Variants in EIPR1 observed in about 807,000 individuals in gnomAD.
EIPR1 encodes the protein EARP and GARP complex-interacting protein 1.
A neutral mutation model predicts 48.1 loss-of-function variants in EIPR1; 25 were observed. The ratio of observed to expected loss-of-function variants is 0.52; its 90% CI spans 0.38 to 0.73. EIPR1 has a LOEUF of 0.73. EIPR1 is among the 30% of genes least tolerant of loss of function. The probability of loss-of-function intolerance (pLI) is 0.00; values close to 1 mark genes in which losing one functional copy is unlikely to be tolerated. For synonymous variants in EIPR1, 204 were observed against 201.9 expected (o/e 1.01, Z -0.09); for missense variants, 415 against 506.2 (o/e 0.82, Z 1.73).
intron 2 of EIPR1, among the ~76,000 whole-genome samples, chr2:3,342,795 A>G (rs1348463423): frequency 6.6e-6 from 1 of 152,168 alleles, no homozygotes; most frequent in East Asian, 1.9e-4. Context: ...ATGGTCTTTA[A>G]CCTTCATTGC....
chr2:3,206,692 T>C (rs1226534633), intron 5 of EIPR1, among the ~76,000 whole-genome samples: 3 of 152,230 alleles, frequency 2.0e-5, no homozygotes, highest in Non-Finnish European at 2.9e-5. Context: ...AAAATGCAGA[T>C]GTGACCTCAG....
chr2:3,206,984 T>G (rs1048605973), intron 5 of EIPR1, among the ~76,000 whole-genome samples: 2 of 152,180 alleles, frequency 1.3e-5, no homozygotes, highest in African/African-American at 4.8e-5. Context: ...AGTCATTTAA[T>G]TATGAAGGAG....
intron 3 of EIPR1, chr2:3,274,407 A>C (rs1667787294): frequency 6.4e-7 from 1 of 1,550,614 alleles, no homozygotes; most frequent in African/African-American, 1.4e-5. Flanking sequence ...CAGAGACAGC[A>C]CACAACAAAA....
intron 3 of EIPR1, among the ~76,000 whole-genome samples, chr2:3,310,170 G>A (rs530503642): frequency 2.4e-4 from 36 of 152,228 alleles, no homozygotes; most frequent in African/African-American, 7.0e-4. Flanking sequence ...TTGGTTCAGC[G>A]CCAAGGTCAG....
At chr2:3,353,277 G>A (rs1224853601) in intron 2 of EIPR1, 2 of 470,942 alleles carry the variant, frequency 4.2e-6, no homozygotes, top group African/African-American at 4.0e-5. Context: ...GATAACCCTT[G>A]GCTCAATTTT....
At chr2:3,328,999 T>C (rs1669795115) in intron 3 of EIPR1, among the ~76,000 whole-genome samples, 1 of 92,014 alleles carries the variant, frequency 1.1e-5, no homozygotes, top group Admixed American at 9.8e-5. Flanking sequence ...CACCACGTTC[T>C]AATGATCTCA....
At chr2:3,346,981 T>C (rs1188617106) in intron 2 of EIPR1, among the ~76,000 whole-genome samples, 3 of 152,204 alleles carry the variant, frequency 2.0e-5, no homozygotes, top group Non-Finnish European at 2.9e-5. Context: ...AGATGCCTCA[T>C]GGCTGGGTGC....
chr2:3,315,131 C>A (rs547453219), intron 3 of EIPR1, among the ~76,000 whole-genome samples: 21 of 135,978 alleles, frequency 1.5e-4, no homozygotes, highest in African/African-American at 6.6e-4. Flanking sequence ...ACACCACCAT[C>A]ATCATCACTA....
At chr2:3,317,213 C>T (rs920075283) in intron 3 of EIPR1, among the ~76,000 whole-genome samples, 2 of 151,296 alleles carry the variant, frequency 1.3e-5, no homozygotes, top group East Asian at 3.9e-4. Context: ...GCACAGAGAC[C>T]CAGGAGCACA....
At chr2:3,202,619 C>G (rs1332627343) in intron 5 of EIPR1, among the ~76,000 whole-genome samples, 1 of 152,180 alleles carries the variant, frequency 6.6e-6, no homozygotes, top group Non-Finnish European at 1.5e-5. Context: ...TGCGAAACAC[C>G]ACAGGGCCAT....
chr2:3,369,692 C>T (rs1393896037), intron 1 of EIPR1, among the ~76,000 whole-genome samples: 3 of 152,324 alleles, frequency 2.0e-5, no homozygotes, highest in Admixed American at 1.3e-4. Flanking sequence ...GAGGGGCGCC[C>T]GCCATTGCCC....
intron 3 of EIPR1, among the ~76,000 whole-genome samples, chr2:3,266,167 T>C (rs1667479482): frequency 6.6e-6 from 1 of 152,198 alleles, no homozygotes; most frequent in Non-Finnish European, 1.5e-5. Flanking sequence ...GCATGAATAG[T>C]AGCTCCAGTC....
chr2:3,333,749 C>CAA (rs769152280), intron 3 of EIPR1, among the ~76,000 whole-genome samples: 39 of 72,396 alleles, frequency 5.4e-4, no homozygotes, highest in Admixed American at 2.1e-3. Flanking sequence ...ACCCTACCTC[C>CAA]AAAAAAAAAA....
chr2:3,286,129 C>T lies in EIPR1; in HGVS notation c.260-28674G>A, dbSNP rs1378422376. On this transcript the variant is annotated intron_variant, in intron 3 of 8. Coordinates refer to ENST00000382125, the MANE Select transcript of EIPR1 (RefSeq NM_003310.5). This position sits in a 1 kb window ranked among gnomAD's most constrained non-coding sequence, Gnocchi z 4.2. ...AGGACTCCAGCTTTTTCCAGCCAAGCCCCCAGGCACATGGAGCAGACACAA... is the reference window on the plus strand; with the variant it reads ...AGGACTCCAGCTTTTTCCAGCCAAGTCCCCAGGCACATGGAGCAGACACAA... 2.6e-5 allele frequency among the ~76,000 whole-genome samples: 4 copies of T among 152,120 alleles called. No homozygotes were observed. The highest frequency in any genetic ancestry group is 5.9e-5 in the Non-Finnish European group (4 of 68,008).
chr2:3,255,499 A>G (rs1307528182), intron 4 of EIPR1, among the ~76,000 whole-genome samples: 1 of 152,228 alleles, frequency 6.6e-6, no homozygotes, highest in Non-Finnish European at 1.5e-5. Context: ...AACTATTTTC[A>G]TAAGTCTATG....
At chr2:3,233,021 T>C (rs563642085) in intron 4 of EIPR1, among the ~76,000 whole-genome samples, 5 of 152,292 alleles carry the variant, frequency 3.3e-5, no homozygotes, top group East Asian at 1.9e-4. Context: ...ATATGCCCAT[T>C]AAAAAGTTTA....
chr2:3,297,365 T>C (rs969004933), intron 3 of EIPR1, among the ~76,000 whole-genome samples: 1 of 152,232 alleles, frequency 6.6e-6, no homozygotes, highest in African/African-American at 2.4e-5. Flanking sequence ...ATTCACATCT[T>C]ACACCGCTGG....
chr2:3,194,243 T>C, intron 6 of EIPR1, 77 bp from the exon 7 acceptor site: 2 of 1,557,110 alleles, frequency 1.3e-6, no homozygotes, highest in South Asian at 1.2e-5. Flanking sequence ...GGGCACACAC[T>C]GGTTTCCCGG....
At chr2:3,364,519 C>A (rs1443511261) in intron 1 of EIPR1, among the ~76,000 whole-genome samples, 7 of 152,026 alleles carry the variant, frequency 4.6e-5, no homozygotes, top group Admixed American at 4.6e-4. Context: ...CCTGTAGTCC[C>A]AGCCACTCTA....
Sources: gnomAD v4.1 joint callset for allele counts (sites outside exome capture counted in the v4.1 genomes callset) on GRCh38, gnomAD v4.1.1 for gene constraint, Gnocchi (gnomAD v3.1) non-coding constraint, MANE v1.5 for transcripts, NCBI Gene and HGNC (gene_info 2026-07-23, HGNC 2026-07-21) for gene names.